MADD: variants seen among roughly 807,000 people sequenced by gnomAD.
MADD encodes the protein MAP kinase-activating death domain protein.
A neutral mutation model predicts 176.7 loss-of-function variants in MADD; 109 were observed. The observed-to-expected ratio is 0.62, with a 90% CI of 0.53 to 0.72. MADD has a LOEUF of 0.72. MADD is among the 30% of genes least tolerant of loss of function. The pLI is 0.00. For missense variants in MADD, 1,914 were observed against 2,045.5 expected (o/e 0.94, Z 1.24); for synonymous variants, 771 against 771.3 (o/e 1.00, Z 0.01).
chr11:47,289,407 A>G (rs1314394878), exon 16 of MADD: 12 of 1,614,040 alleles, frequency 7.4e-6, no homozygotes, highest in Non-Finnish European at 1.0e-5. Flanking sequence ...GGAGGGCGTT[A>G]GTGGATCAGA....
chr11:47,279,005 G>T, exon 7 of MADD: 1 of 1,613,762 alleles, frequency 6.2e-7, no homozygotes, highest in East Asian at 2.2e-5. Context: ...GCAGGTGATT[G>T]CCCCCACCAA....
In MADD at chr11:47,301,560, G is replaced by C. The variant is rs747716905; in HGVS notation, c.3642+5505G>C. On this transcript the variant is annotated intron_variant, in intron 22 of 32. Transcript: ENST00000402192. ...AATCTTCCTACTTTTTTGATGTGAC[G>C]TTTATTGCTATAAGCTTCTTTCTTA... Among the ~76,000 whole-genome samples the C allele has an allele frequency of 3.3e-5, 5 of 152,158 alleles. No homozygotes were observed. The South Asian group carries it at 1.0e-3, about 32-fold the overall frequency.
chr11:47,328,399 A>G, intron 31 of MADD: 1 of 1,402,472 alleles, frequency 7.1e-7, no homozygotes, highest in South Asian at 1.5e-5. Flanking sequence ...AGTGGGTAGA[A>G]TCACGGCCAT....
chr11:47,312,248 TTTTG>T (rs1289291605), intron 26 of MADD, among the ~76,000 whole-genome samples: 1 of 152,024 alleles, frequency 6.6e-6, no homozygotes, highest in African/African-American at 2.4e-5. Context: ...TTCGTTTTTG[TTTTG>T]TTTGTTTGTT....
At chr11:47,309,097 G>T in intron 23 of MADD, 55 bp downstream of exon 26, 1 of 1,595,984 alleles carries the variant, frequency 6.3e-7, no homozygotes, top group Admixed American at 1.7e-5. Flanking sequence ...GAGGGACTGG[G>T]CCTTACTTGG....
chr11:47,276,671 T>C (rs1194798856), intron 4 of MADD, 61 bp from the exon 5 acceptor site: 2 of 1,585,358 alleles, frequency 1.3e-6, no homozygotes, highest in African/African-American at 1.3e-5. Context: ...TGTTGGAAGC[T>C]GTTTTCTTGT....
intron 4 of MADD, 37 bp from the exon 5 acceptor site, chr11:47,276,695 T>G (rs2050257344): frequency 1.9e-6 from 3 of 1,600,904 alleles, no homozygotes; most frequent in Non-Finnish European, 1.7e-6. Context: ...CCATATTTTA[T>G]GTTTTGGAGT....
chr11:47,320,751 G>A (rs748221706), intron 27 of MADD, among the ~76,000 whole-genome samples: 3 of 151,816 alleles, frequency 2.0e-5, no homozygotes, highest in Non-Finnish European at 2.9e-5. Context: ...GGGAAACCCC[G>A]TCTCCACAAA....
chr11:47,327,523 A>G (rs1003050348), intron 31 of MADD: 1 of 985,180 alleles, frequency 1.0e-6, no homozygotes, highest in Non-Finnish European at 1.2e-6. Flanking sequence ...CTCCCATCGA[A>G]CCAGCTCCTC....
chr11:47,289,568 C>A, intron 16 of MADD, 75 bp downstream of exon 17: 1 of 1,229,394 alleles, frequency 8.1e-7, no homozygotes, highest in Non-Finnish European at 1.2e-6. Flanking sequence ...TTTAGGGATG[C>A]TCAAGAGTGG....
Position 47,273,819 on chromosome 11 carries a change from C to T in MADD, c.-88-8C>T. The T allele has an allele frequency of 2.9e-6, 3 of 1,035,400 alleles. No individual in the cohort carries two copies. The highest frequency in any genetic ancestry group is 3.9e-5 in the Admixed American group (2 of 51,938). 64.1% of individuals were successfully genotyped at this position (1,035,400 alleles called of 1,614,324 possible). ...AGTGGATCTTATCAGTACTTTTTTT[C>T]CTATTAGACTTCGATTTTCAGAATT... On this transcript the variant is annotated splice_polypyrimidine_tract_variant and splice_region_variant and intron_variant, in intron 1 of 32. Transcript: ENST00000402192.
intron 1 of MADD, chr11:47,271,853 A>G (rs886107485): frequency 3.3e-5 from 5 of 151,598 alleles, no homozygotes; most frequent in African/African-American, 1.2e-4. Context: ...GCTCAGGAGG[A>G]GCTGAGTGCG....
intron 21 of MADD, 27 bp from the exon 24 acceptor site, chr11:47,295,866 ACTGT>A (rs2071143950): frequency 6.3e-7 from 1 of 1,592,178 alleles, no homozygotes; most frequent in South Asian, 1.1e-5. Flanking sequence ...ATCCCTGGGG[ACTGT>A]CTCTTACTAC....
At chr11:47,293,775 A>G in intron 19 of MADD, 108 bp from the exon 22 acceptor site, 1 of 697,486 alleles carries the variant, frequency 1.4e-6, no homozygotes, top group Non-Finnish European at 2.6e-6. Context: ...AAAGGTGACT[A>G]GGATGGGCTG....
chr11:47,298,440 G>A (rs765072762), intron 22 of MADD, among the ~76,000 whole-genome samples: 5 of 152,172 alleles, frequency 3.3e-5, no homozygotes, highest in Non-Finnish European at 7.3e-5. Context: ...CTGTGTAGAG[G>A]CCCATTATTC....
exon 33 of MADD, chr11:47,329,291 T>C (rs1411669123): frequency 3.2e-5 from 22 of 681,244 alleles, no homozygotes; most frequent in Non-Finnish European, 5.8e-5. Context: ...CTTGGTTGGT[T>C]ACCGGTTATG....
At chr11:47,304,376 A>G (rs777578202) in intron 22 of MADD, among the ~76,000 whole-genome samples, 2 of 151,892 alleles carry the variant, frequency 1.3e-5, no homozygotes, top group Admixed American at 6.6e-5. Context: ...GATTACAGGC[A>G]TGCGCCACCA....
intron 22 of MADD, among the ~76,000 whole-genome samples, chr11:47,300,499 C>T (rs2076914576): frequency 6.7e-6 from 1 of 149,350 alleles, no homozygotes; most frequent in Non-Finnish European, 1.5e-5. Context: ...AGCCACTGCG[C>T]CCAGCTTTTT....
chr11:47,274,671 G>T, exon 3 of MADD: 1 of 1,614,218 alleles, frequency 6.2e-7, no homozygotes, highest in Non-Finnish European at 8.5e-7. Flanking sequence ...TCTTCTGCCA[G>T]CCCGAGGGCT....
Sources: allele counts gnomAD v4.1 joint callset (sites outside exome capture counted in the v4.1 genomes callset), GRCh38; gene constraint gnomAD v4.1.1; transcripts MANE v1.5; gene names NCBI Gene and HGNC (gene_info 2026-07-23, HGNC 2026-07-21).